Variants in DNAJC6 observed in about 807,000 individuals in gnomAD.
DNAJC6 encodes the protein auxilin.
Under a neutral mutation model 110.0 loss-of-function variants are expected in DNAJC6, and 34 were observed. The ratio of observed to expected loss-of-function variants is 0.31; its 90% confidence interval spans 0.24 to 0.41. DNAJC6 has a LOEUF of 0.41. DNAJC6 is among the 10% of genes least tolerant of loss of function. The pLI is 1.00. For missense variants in DNAJC6, 1,031 were observed against 1,207.8 expected (o/e 0.85, Z 2.17); for synonymous variants, 406 against 437.2 (o/e 0.93, Z 0.89).
intron 4 of DNAJC6, among the ~76,000 whole-genome samples, chr1:65,373,862 C>T (rs962102571): frequency 3.3e-5 from 5 of 152,104 alleles, no homozygotes; most frequent in African/African-American, 1.2e-4. Context: ...TTGTCCAGAT[C>T]AATGTCCTGG....
At chr1:65,265,556 G>A (rs76614723) in intron 1 of DNAJC6, among the ~76,000 whole-genome samples, 1 of 152,268 alleles carries the variant, frequency 6.6e-6, no homozygotes, top group Non-Finnish European at 1.5e-5. Context: ...GATGGGGGAA[G>A]AGAGAAACGA....
At chr1:65,275,528 A>G (rs891020864) in intron 1 of DNAJC6, among the ~76,000 whole-genome samples, 4 of 152,044 alleles carry the variant, frequency 2.6e-5, no homozygotes, top group Admixed American at 6.6e-5. Context: ...TTGGTTTTCA[A>G]CACTTGTCCC....
rs1360777 is a variant in DNAJC6 at position 65,381,956 on chromosome 1, C to T, written c.667-2237C>T. On this transcript the variant is annotated intron_variant, in intron 5 of 18. Coordinates refer to ENST00000371069, the MANE Select transcript of DNAJC6 (RefSeq NM_001256864.2). Reference sequence around the variant, plus strand: ...AGGCTTAAATTATGTGACACAATACCGAAAGCACTTGGAGAAGCAATTATG... The same window carrying T: ...AGGCTTAAATTATGTGACACAATACTGAAAGCACTTGGAGAAGCAATTATG... 2.5e-3 allele frequency among the ~76,000 whole-genome samples: 386 copies of T among 152,146 alleles called. 2 individuals are homozygous for T. Among genetic ancestry groups the T allele is most frequent in the African/African-American group, 8.3e-3 (346 of 41,504 alleles).
At chr1:65,309,480 C>T (rs1310430817), upstream of DNAJC6, 6 of 1,139,968 alleles carry the variant, frequency 5.3e-6, no homozygotes, top group Non-Finnish European at 6.5e-6. Flanking sequence ...CGGCGTTGGC[C>T]CAGAGGACGC....
upstream of DNAJC6, among the ~76,000 whole-genome samples, chr1:65,305,291 G>A (rs1461415787): frequency 2.0e-5 from 3 of 152,196 alleles, no homozygotes; most frequent in African/African-American, 7.2e-5. Context: ...TAGTACCAGA[G>A]ATTGTCCCAT....
At chr1:65,288,579 T>G (rs1240631800) in intron 1 of DNAJC6, among the ~76,000 whole-genome samples, 1 of 152,168 alleles carries the variant, frequency 6.6e-6, no homozygotes, top group Non-Finnish European at 1.5e-5. Flanking sequence ...CAGAAAAGTG[T>G]AAAGCATTTA....
Position 65,389,568 on chromosome 1 carries a change from C to G in DNAJC6, c.1409C>G (p.Pro470Arg). 3 of 1,614,176 alleles carry G rather than the reference C, an allele frequency of 1.9e-6. No homozygotes were observed. The highest frequency in any genetic ancestry group is 2.5e-6 in the Non-Finnish European group (3 of 1,180,020). The change falls in exon 11 of 19, where the codon CCT becomes CGT. Residue 470 changes from proline to arginine, a missense_variant. Pro to Arg is a moderately radical substitution (Grantham distance 103, BLOSUM62 -2). Coordinates refer to ENST00000371069, the MANE Select transcript of DNAJC6 (RefSeq NM_001256864.2). ...GCAGGACAGGCTCCAATAGATATCC[C>G]TCCAGACAACCCCAGGCATTACGGA... ...ALGGQAPIDI[P>R]PDNPRHYGQS...
At chr1:65,319,482 A>C (rs1413916851) in intron 1 of DNAJC6, among the ~76,000 whole-genome samples, 1 of 152,220 alleles carries the variant, frequency 6.6e-6, no homozygotes, top group African/African-American at 2.4e-5. Flanking sequence ...CGGTGTCTGT[A>C]TCGGGTGGCC....
intron 1 of DNAJC6, among the ~76,000 whole-genome samples, chr1:65,278,736 G>A (rs1570206292): frequency 6.6e-6 from 1 of 152,196 alleles, no homozygotes; most frequent in Non-Finnish European, 1.5e-5. Context: ...TGTTATGGAC[G>A]AGGGAATTGA....
At chr1:65,292,465 G>A (rs532833779) in intron 1 of DNAJC6, among the ~76,000 whole-genome samples, 2 of 151,870 alleles carry the variant, frequency 1.3e-5, no homozygotes, top group Non-Finnish European at 2.9e-5. Flanking sequence ...GGGTCTTGGT[G>A]TATTGCCTAG....
At chr1:65,326,248 CTG>C (rs1645240920) in intron 1 of DNAJC6, among the ~76,000 whole-genome samples, 1 of 152,128 alleles carries the variant, frequency 6.6e-6, no homozygotes, top group Non-Finnish European at 1.5e-5. Context: ...AGTGAGGAAA[CTG>C]AGGCCTAGAG....
chr1:65,312,424 T>C (rs1645109811), intron 1 of DNAJC6, among the ~76,000 whole-genome samples: 1 of 152,238 alleles, frequency 6.6e-6, no homozygotes, highest in South Asian at 2.1e-4. Flanking sequence ...AAGTGTGGCC[T>C]GTGCAGTGTA....
At position 65,398,785 on chromosome 1, in the gene DNAJC6, T is replaced by G; in HGVS notation, c.2039-28T>G. The G allele has an allele frequency of 3.1e-6, 5 of 1,613,434 alleles. No individual in the cohort carries two copies. In the South Asian group the frequency reaches 5.5e-5, roughly 18 times the overall value. ...AAGTGGGTTCTGAGCTCTCTTGTTC[T>G]CATTCTTTTTCTTTTCCCCATTTGC... On this transcript the variant is annotated intron_variant, in intron 13 of 18. Coordinates refer to ENST00000371069, the MANE Select transcript of DNAJC6 (RefSeq NM_001256864.2).
At chr1:65,342,605 G>C (rs1258710937) in intron 1 of DNAJC6, among the ~76,000 whole-genome samples, 1 of 152,180 alleles carries the variant, frequency 6.6e-6, no homozygotes, top group Non-Finnish European at 1.5e-5. Context: ...AATGGTCTAA[G>C]ACAAGTTCTC....
At chr1:65,377,769 A>G (rs1217996521) in intron 4 of DNAJC6, among the ~76,000 whole-genome samples, 2 of 152,212 alleles carry the variant, frequency 1.3e-5, no homozygotes, top group African/African-American at 4.8e-5. Context: ...ATTATTTATT[A>G]TCTGATTACC....
rs1645324805 is a variant in DNAJC6 at position 65,335,266 on chromosome 1, G to A, written c.193+25328G>A. ...GGGACTACAGGCGCACACCACCCAC[G>A]CCCAGCTAATTTTTTTTTTTTTGTA... On this transcript the variant is annotated intron_variant, in intron 1 of 18. Transcript: ENST00000371069. Among the ~76,000 whole-genome samples the A allele has an allele frequency of 2.2e-5, 3 of 133,490 alleles. No individual in the cohort carries two copies. The Admixed American group carries it at 2.4e-4, about 11-fold the overall frequency. The allele number at this position is 133,490 out of a possible 152,430, so 87.6% of individuals were successfully genotyped here.
At chr1:65,328,762 CT>C (rs1156732190) in intron 1 of DNAJC6, among the ~76,000 whole-genome samples, 1 of 152,188 alleles carries the variant, frequency 6.6e-6, no homozygotes, top group African/African-American at 2.4e-5. Flanking sequence ...ACTTAGCAGT[CT>C]TCTTGGTTCC....
chr1:65,291,791 GT>G (rs1644877630), intron 1 of DNAJC6, among the ~76,000 whole-genome samples: 1 of 152,152 alleles, frequency 6.6e-6, no homozygotes, highest in South Asian at 2.1e-4. Context: ...GATATGAAAA[GT>G]TTGATAGAAA....
chr1:65,348,944 G>A (rs1645461953), intron 1 of DNAJC6, among the ~76,000 whole-genome samples: 1 of 144,776 alleles, frequency 6.9e-6, no homozygotes, highest in South Asian at 2.1e-4. Context: ...GTGTGCATGT[G>A]TGTATATATA....
Sources: gnomAD v4.1 joint callset for allele counts (sites outside exome capture counted in the v4.1 genomes callset) on GRCh38, gnomAD v4.1.1 for gene constraint, MANE v1.5 for transcripts, NCBI Gene and HGNC (gene_info 2026-07-23, HGNC 2026-07-21) for gene names.